PTPRD: variants seen among roughly 807,000 people sequenced by gnomAD.
The protein encoded by PTPRD is receptor-type tyrosine-protein phosphatase delta.
Under a neutral mutation model 214.5 loss-of-function variants are expected in PTPRD, and 34 were observed. The observed-to-expected ratio is 0.16, with a 90% CI of 0.12 to 0.21. The LOEUF (loss-of-function observed/expected upper bound fraction) is 0.21. PTPRD is among the 10% of genes least tolerant of loss of function. The pLI is 1.00. For synonymous variants in PTPRD, 1,128 were observed against 845.7 expected (o/e 1.33, Z -5.79); for missense variants, 2,545 against 2,398.7 (o/e 1.06, Z -1.27).
intron 10 of PTPRD, among the ~76,000 whole-genome samples, chr9:9,074,243 T>C (rs2099747771): frequency 6.6e-6 from 1 of 152,148 alleles, no homozygotes; most frequent in Non-Finnish European, 1.5e-5. Context: ...ATGGGATAAA[T>C]GTGCTGATGG....
intron 11 of PTPRD, among the ~76,000 whole-genome samples, chr9:9,004,276 T>A (rs2099443567): frequency 6.6e-6 from 1 of 152,064 alleles, no homozygotes; most frequent in Non-Finnish European, 1.5e-5. Context: ...CACAAAAAGA[T>A]TTGAAATATC....
chr9:9,812,393 GA>G (rs879727195), intron 5 of PTPRD, among the ~76,000 whole-genome samples: 109 of 145,252 alleles, frequency 7.5e-4, no homozygotes, highest in South Asian at 2.2e-3. Flanking sequence ...TAGTGGATTT[GA>G]AAAAAAAAAA....
At chr9:8,951,688 A>C (rs965128618) in intron 11 of PTPRD, among the ~76,000 whole-genome samples, 1 of 151,956 alleles carries the variant, frequency 6.6e-6, no homozygotes, top group African/African-American at 2.4e-5. Context: ...GCAGTTAGGG[A>C]ATCTTGTCTG....
chr9:9,088,421 A>G (rs2099770612), intron 10 of PTPRD, among the ~76,000 whole-genome samples: 1 of 151,176 alleles, frequency 6.6e-6, no homozygotes. Flanking sequence ...CTCTACAAAA[A>G]ATATAAAAAT....
At chr9:8,937,032 T>C (rs1407842146) in intron 11 of PTPRD, among the ~76,000 whole-genome samples, 1 of 152,212 alleles carries the variant, frequency 6.6e-6, no homozygotes, top group Non-Finnish European at 1.5e-5. Flanking sequence ...TTACAGACAT[T>C]ACCACTTTCT....
intron 14 of PTPRD, among the ~76,000 whole-genome samples, chr9:8,629,463 C>A (rs2154314067): frequency 6.6e-6 from 1 of 151,946 alleles, no homozygotes; most frequent in South Asian, 2.1e-4. Context: ...ACGAAACAGA[C>A]AGAACCAATT....
intron 5 of PTPRD, among the ~76,000 whole-genome samples, chr9:9,838,540 T>C (rs1258730311): frequency 1.3e-5 from 2 of 152,190 alleles, no homozygotes; most frequent in African/African-American, 4.8e-5. Flanking sequence ...CATTTTTTCA[T>C]GTGTTTTTTG....
At position 8,987,006 on chromosome 9, in the gene PTPRD, T is replaced by A. The variant is rs7863982; in HGVS notation, c.-104+31691A>T. Among the ~76,000 whole-genome samples, 209 of 151,934 alleles carry A rather than the reference T, an allele frequency of 1.4e-3. 1 individual carries two copies. Among genetic ancestry groups the A allele is most frequent in the Non-Finnish European group, 1.8e-3 (120 of 67,950 alleles). The stretch of plus-strand genomic sequence containing the variant: ...AATTGCTTGCTTCCTGGTTTATATT[T>A]GTTATTTGCAACCCAAAGATGGTCA... On this transcript the variant is annotated intron_variant, in intron 11 of 45. Coordinates refer to ENST00000381196, the MANE Select transcript of PTPRD (RefSeq NM_002839.4).
intron 5 of PTPRD, among the ~76,000 whole-genome samples, chr9:9,883,653 A>C (rs1352732080): frequency 2.0e-5 from 3 of 152,150 alleles, no homozygotes; most frequent in African/African-American, 7.2e-5. Context: ...CAATTCTAAA[A>C]ATATTTTGGT....
At chr9:9,076,636 C>G (rs539055608) in intron 10 of PTPRD, among the ~76,000 whole-genome samples, 1 of 152,108 alleles carries the variant, frequency 6.6e-6, no homozygotes, top group East Asian at 1.9e-4. Context: ...GGATCTCATT[C>G]TTTTTCATAG....
chr9:9,689,341 G>T (rs1005582485), intron 7 of PTPRD, among the ~76,000 whole-genome samples: 1 of 151,656 alleles, frequency 6.6e-6, no homozygotes, highest in Non-Finnish European at 1.5e-5. Flanking sequence ...ATAAAATATG[G>T]AATTAATGTC....
chr9:10,480,416 A>G lies in PTPRD; in HGVS notation c.-600+131982T>C, dbSNP rs559696976. ...TTACAAGGGGAAGAAAGTAAGTATT[A>G]TAAGGTAGTATTACCTGAGAAGGTG... On this transcript the variant is annotated intron_variant, in intron 2 of 45. Coordinates refer to ENST00000381196, the MANE Select transcript of PTPRD (RefSeq NM_002839.4). 2.6e-5 allele frequency among the ~76,000 whole-genome samples: 4 copies of G among 152,306 alleles called. 1 individual carries two copies. Among genetic ancestry groups the G allele is most frequent in the African/African-American group, 9.6e-5 (4 of 41,574 alleles).
At chr9:9,264,682 G>A (rs1938262866) in intron 9 of PTPRD, among the ~76,000 whole-genome samples, 1 of 151,492 alleles carries the variant, frequency 6.6e-6, no homozygotes, top group Non-Finnish European at 1.5e-5. Flanking sequence ...GATACGTGAA[G>A]CTTAAAGGTC....
chr9:8,547,718 T>C (rs1160463711), intron 14 of PTPRD, among the ~76,000 whole-genome samples: 1 of 151,170 alleles, frequency 6.6e-6, no homozygotes, highest in East Asian at 1.9e-4. Flanking sequence ...TTAATTCCAA[T>C]ATCAGCCCAT....
At chr9:9,621,728 G>T (rs889383769) in intron 7 of PTPRD, among the ~76,000 whole-genome samples, 2 of 152,208 alleles carry the variant, frequency 1.3e-5, no homozygotes, top group African/African-American at 4.8e-5. Flanking sequence ...GTTAAAGTGT[G>T]AAGTGGAGCA....
intron 36 of PTPRD, among the ~76,000 whole-genome samples, chr9:8,403,240 C>A (rs7847051): frequency 0.9 from 137,107 of 152,264 alleles, 61,786 homozygotes; most frequent in Middle Eastern, 0.96. Flanking sequence ...AAAACAGGGA[C>A]AGGTACTCGA....
intron 39 of PTPRD, among the ~76,000 whole-genome samples, chr9:8,366,040 G>A (rs10976998): frequency 0.066 from 10,117 of 152,256 alleles, 431 homozygotes; most frequent in Middle Eastern, 0.11. Context: ...GCCAACTCCT[G>A]TGGCACACAG....
At chr9:10,415,844 A>G (rs2098482042) in intron 2 of PTPRD, among the ~76,000 whole-genome samples, 1 of 151,860 alleles carries the variant, frequency 6.6e-6, no homozygotes. Context: ...GGACATTTTT[A>G]AAACTAAAGA....
intron 2 of PTPRD, among the ~76,000 whole-genome samples, chr9:10,545,143 G>C (rs905211179): frequency 9.9e-5 from 15 of 152,134 alleles, no homozygotes; most frequent in African/African-American, 3.6e-4. Flanking sequence ...ACAAGGGTGT[G>C]GTTTCTATGG....
Sources: gnomAD v4.1 joint callset for allele counts (sites outside exome capture counted in the v4.1 genomes callset) on GRCh38, gnomAD v4.1.1 for gene constraint, MANE v1.5 for transcripts, NCBI Gene and HGNC (gene_info 2026-07-23, HGNC 2026-07-21) for gene names.